The following SLCO5A1 variants were observed in gnomAD, a reference collection of about 807,000 sequenced individuals.
SLCO5A1 encodes the protein organic anion transporter polypeptide-related protein 4.
A neutral mutation model predicts 65.1 loss-of-function variants in SLCO5A1; 39 were observed. The observed-to-expected ratio is 0.60, with a 90% CI of 0.46 to 0.78. The LOEUF is 0.78. Among genes scored for constraint, SLCO5A1 ranks in the 30% least tolerant of loss-of-function variants. The pLI is 0.00. For synonymous variants in SLCO5A1, 438 were observed against 415.7 expected (o/e 1.05, Z -0.65); for missense variants, 1,029 against 1,069.4 (o/e 0.96, Z 0.53).
At chr8:69,807,498 T>C (rs1364160716) in intron 2 of SLCO5A1, among the ~76,000 whole-genome samples, 1 of 152,146 alleles carries the variant, frequency 6.6e-6, no homozygotes, top group Non-Finnish European at 1.5e-5. Flanking sequence ...GCGCCTCCCT[T>C]TTCCCCATCC....
chr8:69,705,272 A>G (rs377417793), intron 5 of SLCO5A1, 43 bp from the exon 6 acceptor site: 15 of 1,577,464 alleles, frequency 9.5e-6, no homozygotes, highest in Non-Finnish European at 1.3e-5. Context: ...ACTCATGTAC[A>G]CTATTATTCA....
intron 2 of SLCO5A1, among the ~76,000 whole-genome samples, chr8:69,808,304 C>T (rs1820091805): frequency 6.6e-6 from 1 of 151,942 alleles, no homozygotes; most frequent in Non-Finnish European, 1.5e-5. Context: ...GGTTGTTTTT[C>T]CTGATCTTCT....
chr8:69,708,173 A>C (rs1815059844), intron 5 of SLCO5A1, among the ~76,000 whole-genome samples: 1 of 152,176 alleles, frequency 6.6e-6, no homozygotes, highest in Non-Finnish European at 1.5e-5. Flanking sequence ...GGAAACAAAA[A>C]TGTCGGAAGC....
At chr8:69,815,221 T>C (rs1299057635) in intron 2 of SLCO5A1, among the ~76,000 whole-genome samples, 1 of 152,228 alleles carries the variant, frequency 6.6e-6, no homozygotes, top group East Asian at 1.9e-4. Flanking sequence ...TTAATTAGTC[T>C]GCATTGTATT....
At chr8:69,775,189 C>T (rs188929521) in intron 2 of SLCO5A1, among the ~76,000 whole-genome samples, 8 of 152,294 alleles carry the variant, frequency 5.3e-5, no homozygotes, top group Admixed American at 1.3e-4. Context: ...GAGCTTTCTC[C>T]TCGCTGCCAT....
intron 2 of SLCO5A1, among the ~76,000 whole-genome samples, chr8:69,784,813 A>G (rs867030373): frequency 1.3e-3 from 102 of 78,072 alleles, no homozygotes; most frequent in African/African-American, 3.4e-3. Context: ...AAGAAAGAAA[A>G]AGAAAGAAAG....
chr8:69,766,242 T>C (rs1818053166), intron 2 of SLCO5A1, among the ~76,000 whole-genome samples: 1 of 152,146 alleles, frequency 6.6e-6, no homozygotes, highest in African/African-American at 2.4e-5. Flanking sequence ...ACAGCAGCCT[T>C]AATATCCTCT....
intron 8 of SLCO5A1, among the ~76,000 whole-genome samples, chr8:69,679,032 C>T (rs550527107): frequency 6.6e-6 from 1 of 152,298 alleles, no homozygotes; most frequent in Admixed American, 6.5e-5. Flanking sequence ...CCTCTGGGGT[C>T]CAGCTTCTCA....
At chr8:69,807,059 G>C (rs1464907074) in intron 2 of SLCO5A1, among the ~76,000 whole-genome samples, 1 of 152,158 alleles carries the variant, frequency 6.6e-6, no homozygotes, top group African/African-American at 2.4e-5. Context: ...AAAGAATAAA[G>C]CTGGAGGCAT....
intron 5 of SLCO5A1, among the ~76,000 whole-genome samples, chr8:69,717,312 A>G (rs1815596120): frequency 6.6e-6 from 1 of 152,126 alleles, no homozygotes; most frequent in African/African-American, 2.4e-5. Context: ...ATTCTTTTGC[A>G]TGCGGCTATT....
In SLCO5A1 at chr8:69,819,358, C is replaced by G. The variant is rs565500234; in HGVS notation, c.907+12409G>C. 5.9e-5 allele frequency among the ~76,000 whole-genome samples: 9 copies of G among 151,458 alleles called. No individual in the cohort carries two copies. In the South Asian group the frequency reaches 1.5e-3, roughly 25 times the overall value. Reference sequence around the variant, plus strand: ...GCCACCCCCTACTCCACATGGGAGACCCCAGGCAGGCACACTGCTTGGGTC... The same window carrying G: ...GCCACCCCCTACTCCACATGGGAGAGCCCAGGCAGGCACACTGCTTGGGTC... On this transcript the variant is annotated intron_variant, in intron 2 of 9. Transcript: ENST00000260126.
intron 6 of SLCO5A1, among the ~76,000 whole-genome samples, chr8:69,699,005 A>C (rs1480363077): frequency 6.6e-6 from 1 of 152,222 alleles, no homozygotes; most frequent in African/African-American, 2.4e-5. Context: ...AGGAAGATTC[A>C]GTAAAACAGA....
At chr8:69,788,300 A>G (rs2130889893) in intron 2 of SLCO5A1, among the ~76,000 whole-genome samples, 1 of 152,310 alleles carries the variant, frequency 6.6e-6, no homozygotes, top group East Asian at 1.9e-4. Flanking sequence ...TAAAAAAAAC[A>G]AAAGACTGTA....
chr8:69,793,761 G>A (rs997399497), intron 2 of SLCO5A1, among the ~76,000 whole-genome samples: 4 of 150,080 alleles, frequency 2.7e-5, no homozygotes, highest in South Asian at 2.1e-4. Flanking sequence ...CTGGGTGACA[G>A]AGTGAGACTC....
chr8:69,702,490 C>T (rs1230588017), intron 6 of SLCO5A1, among the ~76,000 whole-genome samples: 1 of 147,398 alleles, frequency 6.8e-6, no homozygotes, highest in Non-Finnish European at 1.5e-5. Context: ...GCCACATACC[C>T]GGTACACACA....
At position 69,705,229 on chromosome 8, in the gene SLCO5A1, C is replaced by T. The variant is rs1414360509; in HGVS notation, c.1424G>A (p.Gly475Glu). 32 of 1,613,508 alleles carry T rather than the reference C, an allele frequency of 2.0e-5. No homozygotes were observed. The highest frequency in any genetic ancestry group is 2.6e-5 in the Non-Finnish European group (31 of 1,179,688). ...ACCAGCACTGGGGACGATAATAACC[C>T]CTGGGGAGAAGAGAAGGAGAGGATT... ...IPASNASIYTGVIIVPSAGVG... is the reference protein window; with the variant it reads ...IPASNASIYTEVIIVPSAGVG... The change falls in exon 6 of 10, where the codon GGG (glycine) becomes GAG (glutamate). Residue 475 changes from glycine to glutamate, a missense_variant and splice_region_variant. By Grantham distance (98) the Gly-to-Glu change is moderately conservative. Around this residue, in one of 3 missense-constraint regions of SLCO5A1, gnomAD observed 647 missense variants for 647.5 expected, o/e 1.00. Transcript: ENST00000260126.
At chr8:69,737,790 A>C (rs572389189) in intron 5 of SLCO5A1, among the ~76,000 whole-genome samples, 1 of 152,328 alleles carries the variant, frequency 6.6e-6, no homozygotes, top group South Asian at 2.1e-4. Context: ...TAAACTGAGA[A>C]CCATAGAAAT....
chr8:69,784,790 A>T lies in SLCO5A1; in HGVS notation c.908-22915T>A, dbSNP rs192501158. 9.5e-3 allele frequency among the ~76,000 whole-genome samples: 1,352 copies of T among 142,580 alleles called. 10 individuals carry two copies. The highest frequency in any genetic ancestry group is 0.045 in the Middle Eastern group (13 of 292). 93.5% of individuals were successfully genotyped at this position (142,580 alleles called of 152,430 possible). On this transcript the variant is annotated intron_variant, in intron 2 of 9. Coordinates refer to ENST00000260126, the MANE Select transcript of SLCO5A1 (RefSeq NM_030958.3). ...GCAACAGAGCAAGACTCTGTCTGAA[A>T]AAAAAAGAAAGAAAGAAAGAAAAAG...
Position 69,705,234 on chromosome 8 carries a change from G to A in SLCO5A1, c.1424-5C>T, listed in dbSNP as rs201089097. 1 of 1,613,138 alleles carries A rather than the reference G, an allele frequency of 6.2e-7. No individual in the cohort carries two copies. Among genetic ancestry groups the A allele is most frequent in the Non-Finnish European group, 8.5e-7 (1 of 1,179,368 alleles). The stretch of plus-strand genomic sequence containing the variant: ...CACTGGGGACGATAATAACCCCTGG[G>A]GAGAAGAGAAGGAGAGGATTAATTT... On this transcript the variant is annotated splice_polypyrimidine_tract_variant and splice_region_variant and intron_variant, in intron 5 of 9. Coordinates refer to ENST00000260126, the MANE Select transcript of SLCO5A1 (RefSeq NM_030958.3).
Sources: gnomAD v4.1 joint callset for allele counts (sites outside exome capture counted in the v4.1 genomes callset) on GRCh38, gnomAD v4.1.1 for gene constraint, gnomAD v4.1.1 regional missense constraint, MANE v1.5 for transcripts, NCBI Gene and HGNC (gene_info 2026-07-23, HGNC 2026-07-21) for gene names.